ATR: variants seen among roughly 807,000 people sequenced by gnomAD.
ATR encodes serine/threonine-protein kinase ATR.
ATR carries 142 observed loss-of-function variants against 305.3 expected under a neutral mutation model. The ratio of observed to expected loss-of-function variants is 0.47; its 90% CI spans 0.41 to 0.53. The LOEUF (loss-of-function observed/expected upper bound fraction) is 0.53, where lower values mean the gene tolerates loss of function less well. ATR is among the 20% of genes least tolerant of loss of function. The pLI, the probability that ATR is intolerant of heterozygous loss-of-function variation, is 0.00. For synonymous variants in ATR, 1,050 were observed against 1,068.1 expected, an observed-to-expected ratio of 0.98 and a Z score of 0.33; for missense variants, 2,135 against 3,133.1, an observed-to-expected ratio of 0.68 and a Z score of 7.60.
In ATR at chr3:142,555,972, G is replaced by C. The variant is rs906919629; in HGVS notation, c.2246C>G (p.Ser749Cys). The change falls in exon 10 of 47, where the codon TCT becomes TGT. Residue 749 changes from serine to cysteine, a missense_variant. Around this residue, in one of 9 missense-constraint regions of ATR, gnomAD observed 744 missense variants for 873.2 expected, o/e 0.85. Transcript: ENST00000350721. ...DLFCRNLKAT[S>C]QHECSSSQLK... ...TTGAGAAGATGAACATTCATGTTGAGAAGTGGCTTTCAAGTTCCTACAGAA... is the reference window on the plus strand; with the variant it reads ...TTGAGAAGATGAACATTCATGTTGACAAGTGGCTTTCAAGTTCCTACAGAA... 4.3e-6 allele frequency: 7 copies of C among 1,613,818 alleles called. No homozygotes were observed. The African/African-American group carries it at 9.3e-5, about 22-fold the overall frequency.
At chr3:142,454,474 G>T (rs1243003318) in intron 45 of ATR, among the ~76,000 whole-genome samples, 1 of 121,336 alleles carries the variant, frequency 8.2e-6, no homozygotes, top group Non-Finnish European at 1.6e-5. Context: ...ACGGAGTCTC[G>T]CTGTCGCCCA....
chr3:142,472,527 G>A (rs561698533), intron 36 of ATR, among the ~76,000 whole-genome samples: 69 of 152,158 alleles, frequency 4.5e-4, no homozygotes, highest in Non-Finnish European at 4.1e-4. Context: ...TAACGATGCC[G>A]AACTTTTTTT....
chr3:142,464,289 C>T (rs1360206908), intron 41 of ATR, among the ~76,000 whole-genome samples: 1 of 152,052 alleles, frequency 6.6e-6, no homozygotes, highest in Non-Finnish European at 1.5e-5. Flanking sequence ...CCATGCCTGG[C>T]TAATTTTTTT....
chr3:142,540,746 A>C (rs185899521), intron 18 of ATR, among the ~76,000 whole-genome samples, 158 bp downstream of exon 18: 3 of 152,162 alleles, frequency 2.0e-5, no homozygotes, highest in Non-Finnish European at 2.9e-5. Flanking sequence ...AAAATGTTTT[A>C]AAAGAAGTAA....
At chr3:142,577,366 T>A (rs77637732) in intron 1 of ATR, among the ~76,000 whole-genome samples, 2,734 of 152,266 alleles carry the variant, frequency 0.018, 29 homozygotes, top group South Asian at 0.041. Context: ...GGCAAAAATA[T>A]ACTCAGCTTC....
intron 46 of ATR, chr3:142,452,655 C>T (rs2070816485): frequency 1.0e-6 from 1 of 991,430 alleles, no homozygotes; most frequent in Non-Finnish European, 1.2e-6. Context: ...GCCTGGATGA[C>T]AGAGCGAGAC....
In ATR at chr3:142,578,697, T is replaced by C; in HGVS notation, c.8A>G (p.Glu3Gly). 1 of 1,613,174 alleles carries C rather than the reference T, an allele frequency of 6.2e-7. No individual in the cohort carries two copies. Among genetic ancestry groups the C allele is most frequent in the South Asian group, 1.1e-5 (1 of 90,694 alleles). ...CATGGAAGCCAGCTCCAGGCCATGT[T>C]CCCCCATGCTGAGGCTGCGAGGCAC... MG[E>G]HGLELASMIP... The change falls in exon 1 of 47, where the codon GAA (glutamate) becomes GGA (glycine). Residue 3 changes from glutamate (E) to glycine (G), a missense_variant. Coordinates refer to ENST00000350721, the MANE Select transcript of ATR (RefSeq NM_001184.4).
intron 46 of ATR, chr3:142,449,881 A>T: frequency 2.2e-6 from 1 of 450,632 alleles, no homozygotes; most frequent in South Asian, 2.3e-5. Flanking sequence ...CTAGAAAAAT[A>T]ATTTTTTAAA....
At chr3:142,542,794 C>A in intron 16 of ATR, 37 bp from the exon 17 acceptor site, 1 of 1,478,548 alleles carries the variant, frequency 6.8e-7, no homozygotes, top group Non-Finnish European at 9.4e-7. Context: ...AAGCTTTATA[C>A]AGATTGAATT....
chr3:142,450,344 G>T, intron 46 of ATR: 1 of 1,269,350 alleles, frequency 7.9e-7, no homozygotes. Flanking sequence ...ACCAAACCCA[G>T]TTCATTCAAG....
rs1186165784 is a variant in ATR at position 142,485,295 on chromosome 3, A to T, written c.6079-13T>A. On this transcript the variant is annotated splice_polypyrimidine_tract_variant and intron_variant, in intron 35 of 46. Transcript: ENST00000350721. ...ACGCGGTCACATCCTATAAAAAAGA[A>T]CATAGGATACCTACCTAAGGAAATC... 8 of 1,613,814 alleles carry T rather than the reference A, an allele frequency of 5.0e-6. No homozygotes were observed. The highest frequency in any genetic ancestry group is 5.9e-6 in the Non-Finnish European group (7 of 1,179,892).
chr3:142,469,530 C>A lies in ATR; in HGVS notation c.6359G>T (p.Gly2120Val). The change falls in exon 38 of 47, where the codon GGT (glycine) becomes GTT (valine). Residue 2120 changes from glycine (G) to valine (V), a missense_variant. Gly to Val is a moderately radical substitution (Grantham distance 109). Around this residue, in one of 9 missense-constraint regions of ATR, gnomAD observed 462 missense variants for 887.6 expected, o/e 0.52. Coordinates refer to ENST00000350721, the MANE Select transcript of ATR (RefSeq NM_001184.4). ...CTCTGTGATAACCTTGTTTATTTTA[C>A]CCAAATCATTCCTCATTTGTACACG... ...SDRVQMRNDL[G>V]KINKVITEHT... The A allele has an allele frequency of 6.2e-7, 1 of 1,613,788 alleles. No homozygotes were observed. The highest frequency in any genetic ancestry group is 8.5e-7 in the Non-Finnish European group (1 of 1,179,854).
rs1169992874 is a variant in ATR at position 142,562,665 on chromosome 3, G to T, written c.737C>A (p.Ser246Tyr). Residue 246 changes from serine to tyrosine, a missense_variant, in exon 4 of 47, where the codon TCC (serine) becomes TAC (tyrosine). By Grantham distance (144) the Ser-to-Tyr change is moderately radical. Coordinates refer to ENST00000350721, the MANE Select transcript of ATR (RefSeq NM_001184.4). ...LLEYGSPKIK[S>Y]LAISFLTELF... is the part of the protein sequence containing the mutation. ...TTCTGTTAAAAAGCTAATTGCTAGGGATTTAATTTTTGGACTACCATACTC... is the reference window on the plus strand; with the variant it reads ...TTCTGTTAAAAAGCTAATTGCTAGGTATTTAATTTTTGGACTACCATACTC... The T allele has an allele frequency of 4.3e-6, 7 of 1,613,880 alleles. No individual in the cohort carries two copies. Among genetic ancestry groups the T allele is most frequent in the Non-Finnish European group, 5.9e-6 (7 of 1,179,968 alleles).
At position 142,497,090 on chromosome 3, in the gene ATR, T is replaced by C; in HGVS notation, c.5661A>G (p.Leu1887=). The change falls in exon 33 of 47, where the codon CTA becomes CTG. Residue 1887 remains leucine, a synonymous_variant. Coordinates refer to ENST00000350721, the MANE Select transcript of ATR (RefSeq NM_001184.4). The part of the protein sequence containing the change: ...QEDSLNWVAR[L]EMTQNSYRAK... Reference sequence around the variant, plus strand: ...CTCTGTAGGAATTCTGGGTCATTTCTAGTCGAGCTACCCAGTTTAGAGAAT... The same window carrying C: ...CTCTGTAGGAATTCTGGGTCATTTCCAGTCGAGCTACCCAGTTTAGAGAAT... 1 of 1,614,048 alleles carries C rather than the reference T, an allele frequency of 6.2e-7. No homozygotes were observed.
At position 142,531,052 on chromosome 3, in the gene ATR, T is replaced by C. The variant is rs867155735; in HGVS notation, c.3945+4028A>G. Among the ~76,000 whole-genome samples the C allele has an allele frequency of 2.6e-5, 4 of 152,272 alleles. No homozygotes were observed. The Middle Eastern group carries it at 0.01, about 388-fold the overall frequency. ...GGTTAAGATATGAGCTCCACAGATA[T>C]CTCTGTTAGTTACAAGTAATTTGAA... On this transcript the variant is annotated intron_variant, in intron 21 of 46. Coordinates refer to ENST00000350721, the MANE Select transcript of ATR (RefSeq NM_001184.4).
At chr3:142,554,138 T>G (rs1225860860) in intron 10 of ATR, 123 bp from the exon 11 acceptor site, 1 of 832,360 alleles carries the variant, frequency 1.2e-6, no homozygotes, top group African/African-American at 1.7e-5. Context: ...TGTCAATGTT[T>G]CATATTTAAG....
intron 22 of ATR, 73 bp from the exon 23 acceptor site, chr3:142,522,914 A>G (rs768148647): frequency 5.2e-6 from 6 of 1,147,976 alleles, no homozygotes; most frequent in Non-Finnish European, 5.3e-6. Flanking sequence ...TGCTTTTTCC[A>G]TGGTGAATTT....
At chr3:142,520,837 C>T (rs947048173) in intron 23 of ATR, among the ~76,000 whole-genome samples, 19 of 152,172 alleles carry the variant, frequency 1.2e-4, no homozygotes, top group Non-Finnish European at 2.5e-4. Context: ...GATAGAGAAG[C>T]TGCAGCAAGT....
chr3:142,478,347 A>G (rs1287236091), intron 36 of ATR, among the ~76,000 whole-genome samples: 2 of 151,906 alleles, frequency 1.3e-5, no homozygotes, highest in Non-Finnish European at 2.9e-5. Flanking sequence ...TTCGTTATGT[A>G]CCCAGTAGTC....
Sources: gnomAD v4.1 joint callset for allele counts (sites outside exome capture counted in the v4.1 genomes callset) on GRCh38, gnomAD v4.1.1 for gene constraint, gnomAD v4.1.1 regional missense constraint, MANE v1.5 for transcripts, NCBI Gene and HGNC (gene_info 2026-07-23, HGNC 2026-07-21) for gene names.